The following C9orf85 variants were observed in gnomAD, a reference collection of about 807,000 sequenced individuals.
C9orf85 encodes uncharacterized protein C9orf85.
In C9orf85, 16 loss-of-function variants were observed where a neutral mutation model predicts 14.9. The ratio of observed to expected loss-of-function variants is 1.08; its 90% CI spans 0.73 to 1.63. The LOEUF (loss-of-function observed/expected upper bound fraction) is 1.63. Ranked by LOEUF, C9orf85 falls within the 40% of genes most tolerant of loss-of-function variation. C9orf85 has a pLI of 0.00. For synonymous variants in C9orf85, 45 were observed against 56.8 expected (o/e 0.79, Z 0.93); for missense variants, 172 against 186.1 (o/e 0.92, Z 0.44).
intron 2 of C9orf85, among the ~76,000 whole-genome samples, chr9:71,957,431 C>T (rs1286350723): frequency 6.6e-6 from 1 of 152,068 alleles, no homozygotes; most frequent in Non-Finnish European, 1.5e-5. Context: ...TATCATATTA[C>T]TCAGTGAAAA....
chr9:71,973,892 C>T (rs1305401578), downstream of C9orf85, among the ~76,000 whole-genome samples: 4 of 136,792 alleles, frequency 2.9e-5, no homozygotes, highest in African/African-American at 8.0e-5. Flanking sequence ...TTTTTTATTA[C>T]GTTTCTTATT....
Position 71,971,545 on chromosome 9 carries a change from A to G in C9orf85, c.250A>G (p.Ile84Val), listed in dbSNP as rs141823356. 88 of 1,610,528 alleles carry G rather than the reference A, an allele frequency of 5.5e-5. No homozygotes were observed. The African/African-American group carries it at 1.0e-3, about 19-fold the overall frequency. ...AAAGACAGTGAAGGATTCTTATCAC[A>G]TAATGTGCAGGCCATGTGCCTGTGA... ...LQKTVKDSYHIMCRPCACELE... is the reference protein window; with the variant it reads ...LQKTVKDSYHVMCRPCACELE... The change falls in exon 3 of 4, where the codon ATA (isoleucine) becomes GTA (valine). Residue 84 changes from isoleucine to valine, a missense_variant. Transcript: ENST00000334731.
At chr9:71,951,678 CTA>C (rs1329589777) in intron 2 of C9orf85, among the ~76,000 whole-genome samples, 2 of 152,102 alleles carry the variant, frequency 1.3e-5, no homozygotes, top group Non-Finnish European at 2.9e-5. Flanking sequence ...CAGGAAAAGT[CTA>C]AATCTTTTTG....
intron 2 of C9orf85, among the ~76,000 whole-genome samples, chr9:71,964,300 T>G (rs908185998): frequency 6.6e-6 from 1 of 151,782 alleles, no homozygotes; most frequent in African/African-American, 2.4e-5. Context: ...GAGAAGAGAA[T>G]AAAAGCAGGC....
chr9:71,934,917 C>T (rs941455663), intron 1 of C9orf85, among the ~76,000 whole-genome samples: 4 of 152,070 alleles, frequency 2.6e-5, no homozygotes, highest in Non-Finnish European at 2.9e-5. Flanking sequence ...AACTATTACT[C>T]AACAACAAAA....
downstream of C9orf85, among the ~76,000 whole-genome samples, chr9:71,975,638 G>T (rs1314890775): frequency 2.0e-5 from 3 of 152,088 alleles, no homozygotes; most frequent in Non-Finnish European, 4.4e-5. Context: ...TTCGAGACCA[G>T]CCTGACCAAC....
At chr9:71,985,750 A>G (rs1227650382), downstream of C9orf85, 3 of 152,224 alleles carry the variant, frequency 2.0e-5, no homozygotes, top group Non-Finnish European at 4.4e-5. Context: ...TCAAAGCTAA[A>G]GGTCAGTGTT....
chr9:71,970,733 C>CA (rs1472051033), intron 2 of C9orf85, among the ~76,000 whole-genome samples: 6 of 151,312 alleles, frequency 4.0e-5, no homozygotes, highest in Admixed American at 3.3e-4. Flanking sequence ...TCAATTTCTG[C>CA]AAAAAAAGCC....
downstream of C9orf85, among the ~76,000 whole-genome samples, chr9:71,974,523 A>C (rs767011709): frequency 6.6e-6 from 1 of 152,180 alleles, no homozygotes; most frequent in African/African-American, 2.4e-5. Flanking sequence ...AATTACAGAC[A>C]TGAGCCTCCA....
At chr9:71,912,788 G>A (rs1433389413) in intron 1 of C9orf85, among the ~76,000 whole-genome samples, 1 of 152,178 alleles carries the variant, frequency 6.6e-6, no homozygotes, top group Non-Finnish European at 1.5e-5. Flanking sequence ...GGAGGCTGAG[G>A]CAGGGGAATC....
At chr9:71,947,818 G>A (rs2132309927) in intron 2 of C9orf85, among the ~76,000 whole-genome samples, 1 of 152,092 alleles carries the variant, frequency 6.6e-6, no homozygotes, top group East Asian at 1.9e-4. Flanking sequence ...TAATTTTTTT[G>A]TATTTTTAGT....
chr9:71,954,475 G>A (rs1413054146), intron 2 of C9orf85, among the ~76,000 whole-genome samples: 1 of 152,184 alleles, frequency 6.6e-6, no homozygotes, highest in Non-Finnish European at 1.5e-5. Context: ...CTACTCCACA[G>A]ACAGAGCAGA....
At chr9:71,961,938 G>A (rs1039369855) in intron 2 of C9orf85, among the ~76,000 whole-genome samples, 1 of 152,202 alleles carries the variant, frequency 6.6e-6, no homozygotes, top group Non-Finnish European at 1.5e-5. Context: ...GCCGAGGCTG[G>A]AGGATGCCTT....
At chr9:71,923,244 G>A (rs931108459) in intron 1 of C9orf85, among the ~76,000 whole-genome samples, 5 of 152,104 alleles carry the variant, frequency 3.3e-5, no homozygotes, top group Admixed American at 2.6e-4. Context: ...CTTCATTCAT[G>A]TCTTGATTTC....
intron 1 of C9orf85, among the ~76,000 whole-genome samples, chr9:71,933,752 G>A (rs565875697): frequency 3.3e-5 from 5 of 152,246 alleles, no homozygotes; most frequent in Admixed American, 6.5e-5. Flanking sequence ...ATCTGCTGGC[G>A]CATAGACCTC....
chr9:71,929,612 A>T (rs1828022962), intron 1 of C9orf85, among the ~76,000 whole-genome samples: 1 of 152,094 alleles, frequency 6.6e-6, no homozygotes, highest in Non-Finnish European at 1.5e-5. Flanking sequence ...TCTCTAAATG[A>T]ACTTTTCCAA....
intron 2 of C9orf85, among the ~76,000 whole-genome samples, chr9:71,965,525 G>A (rs980659674): frequency 1.3e-5 from 2 of 152,134 alleles, no homozygotes; most frequent in African/African-American, 2.4e-5. Context: ...GTGCTCAAGT[G>A]ATCATCCCAC....
chr9:71,965,863 T>A (rs1329300817), intron 2 of C9orf85, among the ~76,000 whole-genome samples: 3 of 152,242 alleles, frequency 2.0e-5, no homozygotes, highest in Non-Finnish European at 2.9e-5. Context: ...GTCAGAATTG[T>A]TTGAGTGATT....
At chr9:71,920,986 C>T (rs1395500693) in intron 1 of C9orf85, among the ~76,000 whole-genome samples, 1 of 152,044 alleles carries the variant, frequency 6.6e-6, no homozygotes, top group Admixed American at 6.6e-5. Flanking sequence ...CTCATCATAC[C>T]CTTCTCCATT....
Sources: allele counts gnomAD v4.1 joint callset (sites outside exome capture counted in the v4.1 genomes callset), GRCh38; gene constraint gnomAD v4.1.1; transcripts MANE v1.5; gene names NCBI Gene and HGNC (gene_info 2026-07-23, HGNC 2026-07-21).